COL27A1: variants seen among roughly 807,000 people sequenced by gnomAD.
COL27A1 encodes collagen alpha-1(XXVII) chain.
COL27A1 carries 106 observed loss-of-function variants against 251.3 expected under a neutral mutation model. The ratio of observed to expected loss-of-function variants is 0.42; its 90% CI spans 0.36 to 0.50. The LOEUF is 0.50. Among genes scored for constraint, COL27A1 ranks in the 20% least tolerant of loss-of-function variants. COL27A1 has a pLI of 0.00. For synonymous variants in COL27A1, 1,000 were observed against 986.3 expected (o/e 1.01, Z -0.26); for missense variants, 2,325 against 2,522.8 (o/e 0.92, Z 1.68).
chr9:114,230,153 G>C (rs1282075990), intron 14 of COL27A1, among the ~76,000 whole-genome samples: 2 of 152,222 alleles, frequency 1.3e-5, no homozygotes, highest in East Asian at 3.9e-4. Context: ...TCCCAGAGGA[G>C]AGTGGGATCC....
intron 14 of COL27A1, among the ~76,000 whole-genome samples, chr9:114,222,866 G>C (rs1831215535): frequency 6.6e-6 from 1 of 152,194 alleles, no homozygotes; most frequent in African/African-American, 2.4e-5. Context: ...GAATCATCCT[G>C]GAGTGGCCAT....
At chr9:114,194,247 G>A (rs959246024) in intron 5 of COL27A1, among the ~76,000 whole-genome samples, 157 bp from the exon 6 acceptor site, 2 of 152,190 alleles carry the variant, frequency 1.3e-5, no homozygotes, top group Non-Finnish European at 2.9e-5. Context: ...GAGCAGGGGA[G>A]TAGTAGAATT....
At chr9:114,221,108 G>A (rs1262613423) in intron 13 of COL27A1, among the ~76,000 whole-genome samples, 1 of 152,176 alleles carries the variant, frequency 6.6e-6, no homozygotes, top group Admixed American at 6.5e-5. Flanking sequence ...GTAATCCGGG[G>A]TATAGTCCTG....
At chr9:114,242,732 G>A (rs1352171231) in intron 22 of COL27A1, among the ~76,000 whole-genome samples, 2 of 152,216 alleles carry the variant, frequency 1.3e-5, no homozygotes, top group Admixed American at 1.3e-4. Flanking sequence ...AGGACCCAAA[G>A]GCTTTTGTTT....
At chr9:114,222,160 T>C in intron 13 of COL27A1, 63 bp from the exon 14 acceptor site, 1 of 1,453,388 alleles carries the variant, frequency 6.9e-7, no homozygotes. Flanking sequence ...GAGGATGACA[T>C]GGAGGGAGGG....
chr9:114,205,475 C>T (rs1431706995), intron 8 of COL27A1, among the ~76,000 whole-genome samples: 1 of 152,232 alleles, frequency 6.6e-6, no homozygotes, highest in Non-Finnish European at 1.5e-5. Flanking sequence ...TTTTGGCCAG[C>T]CTGGCCCAAG....
chr9:114,203,855 T>C (rs1259306913), intron 7 of COL27A1, among the ~76,000 whole-genome samples: 1 of 152,170 alleles, frequency 6.6e-6, no homozygotes, highest in African/African-American at 2.4e-5. Context: ...GATCTGGTAG[T>C]GAGTGCCTGT....
At position 114,242,247 on chromosome 9, in the gene COL27A1, C is replaced by A. The variant is rs762458480; in HGVS notation, c.2880+16C>A. Reference sequence around the variant, plus strand: ...TGGCTTGGAGGTGAGTGTCACTGGCCTGGGGTAGGTGGCATTCATGGGAGC... The same window carrying A: ...TGGCTTGGAGGTGAGTGTCACTGGCATGGGGTAGGTGGCATTCATGGGAGC... On this transcript the variant is annotated intron_variant, in intron 22 of 60. Coordinates refer to ENST00000356083, the MANE Select transcript of COL27A1 (RefSeq NM_032888.4). The A allele has an allele frequency of 6.2e-7, 1 of 1,607,440 alleles. No homozygotes were observed. Among genetic ancestry groups the A allele is most frequent in the Non-Finnish European group, 8.5e-7 (1 of 1,177,568 alleles).
intron 48 of COL27A1, 66 bp from the exon 49 acceptor site, chr9:114,292,037 T>C (rs1588883817): frequency 7.2e-7 from 1 of 1,396,666 alleles, no homozygotes; most frequent in African/African-American, 1.4e-5. Flanking sequence ...CCAGGCCCCC[T>C]CCGCCTCCTC....
At chr9:114,202,282 C>T (rs1375132769) in intron 7 of COL27A1, among the ~76,000 whole-genome samples, 1 of 152,172 alleles carries the variant, frequency 6.6e-6, no homozygotes, top group East Asian at 1.9e-4. Context: ...GCAGATGAAG[C>T]CACAGGAGCT....
chr9:114,275,744 C>G lies in COL27A1; in HGVS notation c.3693C>G (p.Gly1231=). The change falls in exon 37 of 61, where the codon GGC becomes GGG. Residue 1231 remains glycine (G), a synonymous_variant. Transcript: ENST00000356083. ...EGLMGEDGPP[G]PPGVTGVRGP... The stretch of plus-strand genomic sequence containing the variant: ...TGATGGGTGAGGACGGGCCCCCCGG[C>G]CCCCCTGGCGTCACTGGTGTCCGGG... The G allele has an allele frequency of 6.5e-7, 1 of 1,547,396 alleles. No homozygotes were observed. The highest frequency in any genetic ancestry group is 8.7e-7 in the Non-Finnish European group (1 of 1,145,648).
intron 4 of COL27A1, among the ~76,000 whole-genome samples, chr9:114,181,467 A>C (rs1005433904): frequency 6.6e-6 from 1 of 152,096 alleles, no homozygotes; most frequent in African/African-American, 2.4e-5. Context: ...CTGGCCTCAG[A>C]GAGGGAAGAA....
In COL27A1 at chr9:114,174,791, C is replaced by G. The variant is rs532352397; in HGVS notation, c.1909-3500C>G. ...CTGATGCCAAGAAGCTCTGTTCCAG[C>G]AGGTCCTTCCCAGGACAGAGGCTAG... On this transcript the variant is annotated intron_variant, in intron 3 of 60. Transcript: ENST00000356083. Among the ~76,000 whole-genome samples, 8 of 152,300 alleles carry G rather than the reference C, an allele frequency of 5.3e-5. No homozygotes were observed. In the South Asian group the frequency reaches 1.5e-3, roughly 28 times the overall value.
In COL27A1 at chr9:114,279,720, G is replaced by A. The variant is rs369168717; in HGVS notation, c.3718-2557G>A. Among the ~76,000 whole-genome samples the A allele has an allele frequency of 2.6e-5, 4 of 152,154 alleles. No homozygotes were observed. In the East Asian group the frequency reaches 7.7e-4, roughly 29 times the overall value. On this transcript the variant is annotated intron_variant, in intron 37 of 60. Transcript: ENST00000356083. Reference sequence around the variant, plus strand: ...ATTAAAAAGTTAGCTGGGCGTGGTGGTGCATGCCTGTAGTCTTGGCTACTC... The same window carrying A: ...ATTAAAAAGTTAGCTGGGCGTGGTGATGCATGCCTGTAGTCTTGGCTACTC...
At chr9:114,262,709 G>A (rs765449374) in intron 28 of COL27A1, among the ~76,000 whole-genome samples, 31 of 152,256 alleles carry the variant, frequency 2.0e-4, no homozygotes, top group Non-Finnish European at 5.9e-5. Context: ...CCGGTGCCTA[G>A]GGCTGGACCC....
intron 5 of COL27A1, among the ~76,000 whole-genome samples, 177 bp downstream of exon 5, chr9:114,183,252 G>C (rs184269433): frequency 9.8e-4 from 149 of 152,370 alleles, no homozygotes; most frequent in African/African-American, 3.5e-3. Context: ...CTGGTCCGGA[G>C]ACACAGTGCT....
intron 19 of COL27A1, 103 bp downstream of exon 19, chr9:114,237,818 A>G: frequency 1.1e-6 from 1 of 910,756 alleles, no homozygotes; most frequent in Non-Finnish European, 1.8e-6. Context: ...TTTAGGTCAC[A>G]CAGGATATGA....
intron 5 of COL27A1, among the ~76,000 whole-genome samples, chr9:114,188,066 G>A (rs886641771): frequency 6.6e-6 from 1 of 152,218 alleles, no homozygotes; most frequent in African/African-American, 2.4e-5. Context: ...CCAGCTGGTG[G>A]TAGAAGAAAA....
At chr9:114,236,888 C>G in intron 17 of COL27A1, 93 bp from the exon 18 acceptor site, 1 of 1,213,266 alleles carries the variant, frequency 8.2e-7, no homozygotes, top group Non-Finnish European at 1.2e-6. Context: ...GGCGGGCGTT[C>G]TCTGGGCCTG....
Sources: gnomAD v4.1 joint callset for allele counts (sites outside exome capture counted in the v4.1 genomes callset) on GRCh38, gnomAD v4.1.1 for gene constraint, MANE v1.5 for transcripts, NCBI Gene and HGNC (gene_info 2026-07-23, HGNC 2026-07-21) for gene names.